The following AOPEP variants were observed in gnomAD, a reference collection of about 807,000 sequenced individuals.
The protein encoded by AOPEP is aminopeptidase O.
AOPEP carries 77 observed loss-of-function variants against 98.1 expected under a neutral mutation model. The observed-to-expected ratio is 0.78, with a 90% CI of 0.65 to 0.95. AOPEP has a LOEUF of 0.95. AOPEP is among the 40% of genes least tolerant of loss of function. The pLI, the probability that AOPEP is intolerant of heterozygous loss-of-function variation, is 0.00. For missense variants in AOPEP, 1,024 were observed against 1,024.7 expected, an observed-to-expected ratio of 1.00 and a Z score of 0.01; for synonymous variants, 346 against 365.3, an observed-to-expected ratio of 0.95 and a Z score of 0.60.
intron 5 of AOPEP, among the ~76,000 whole-genome samples, chr9:94,888,294 CGTGTGTGTGTGTGTGTGTGT>C (rs59342995): frequency 6.5e-5 from 9 of 137,590 alleles, no homozygotes; most frequent in Non-Finnish European, 1.4e-4. Flanking sequence ...AGAACCTTAC[CGTGTGTGTGTGTGTGTGTGT>C]GTGTGTGTGT....
At chr9:94,850,434 A>C (rs182672527) in intron 5 of AOPEP, among the ~76,000 whole-genome samples, 2 of 152,320 alleles carry the variant, frequency 1.3e-5, no homozygotes, top group Admixed American at 1.3e-4. Flanking sequence ...CCACATCATA[A>C]TGTGCACATA....
At chr9:95,052,375 C>T (rs554112257) in intron 13 of AOPEP, among the ~76,000 whole-genome samples, 3 of 152,284 alleles carry the variant, frequency 2.0e-5, no homozygotes, top group African/African-American at 7.2e-5. Context: ...CTTGTTTAAA[C>T]TCAAAAGGAG....
intron 11 of AOPEP, among the ~76,000 whole-genome samples, chr9:94,979,954 C>G (rs1023566663): frequency 6.6e-6 from 1 of 152,196 alleles, no homozygotes; most frequent in African/African-American, 2.4e-5. Flanking sequence ...CTCAGGCCGG[C>G]CTTCTCACCT....
At chr9:94,780,503 A>G (rs1487731359) in intron 3 of AOPEP, among the ~76,000 whole-genome samples, 2 of 152,212 alleles carry the variant, frequency 1.3e-5, no homozygotes, top group Non-Finnish European at 2.9e-5. Context: ...GCTAGACAAG[A>G]TAAAAGAACT....
chr9:94,797,080 A>T (rs958530536), intron 4 of AOPEP, among the ~76,000 whole-genome samples: 1 of 152,236 alleles, frequency 6.6e-6, no homozygotes, highest in African/African-American at 2.4e-5. Flanking sequence ...AGTTGCTTTG[A>T]TAGGAAGTAC....
chr9:94,735,775 A>G (rs1831615529), intron 1 of AOPEP, among the ~76,000 whole-genome samples: 1 of 152,168 alleles, frequency 6.6e-6, no homozygotes, highest in Non-Finnish European at 1.5e-5. Flanking sequence ...TAATTTTAGG[A>G]TATTTCCATC....
At chr9:94,943,537 T>C (rs942317656) in intron 7 of AOPEP, among the ~76,000 whole-genome samples, 1 of 148,814 alleles carries the variant, frequency 6.7e-6, no homozygotes, top group Admixed American at 6.8e-5. Context: ...GAGGTTGCAG[T>C]GAGCTGAGAT....
At chr9:95,014,685 C>T (rs1323057501) in intron 13 of AOPEP, among the ~76,000 whole-genome samples, 1 of 152,190 alleles carries the variant, frequency 6.6e-6, no homozygotes. Context: ...GTGGCGCTTT[C>T]TGAAGTACCT....
intron 5 of AOPEP, among the ~76,000 whole-genome samples, chr9:94,922,614 GTTTC>G (rs1199854860): frequency 6.6e-6 from 1 of 152,008 alleles, no homozygotes; most frequent in Non-Finnish European, 1.5e-5. Flanking sequence ...GTGTCTCTCA[GTTTC>G]TTCCTTCCTT....
intron 5 of AOPEP, among the ~76,000 whole-genome samples, chr9:94,878,794 G>C (rs2135796339): frequency 6.6e-6 from 1 of 152,306 alleles, no homozygotes; most frequent in Non-Finnish European, 1.5e-5. Context: ...TGTTCTTTCA[G>C]CCTTTCTGTA....
intron 5 of AOPEP, among the ~76,000 whole-genome samples, chr9:94,828,142 T>G (rs1855057952): frequency 6.6e-6 from 1 of 152,210 alleles, no homozygotes; most frequent in Non-Finnish European, 1.5e-5. Context: ...GATAGATGTT[T>G]ATTTCTCCCA....
At chr9:95,000,468 G>A (rs1318531871) in intron 11 of AOPEP, among the ~76,000 whole-genome samples, 2 of 152,170 alleles carry the variant, frequency 1.3e-5, no homozygotes, top group Non-Finnish European at 2.9e-5. Flanking sequence ...AGCACTTTGG[G>A]AGGCCAAGGT....
intron 16 of AOPEP, among the ~76,000 whole-genome samples, chr9:95,083,521 A>G (rs2070142902): frequency 6.8e-6 from 1 of 146,956 alleles, no homozygotes; most frequent in African/African-American, 2.6e-5. Flanking sequence ...GAGCACCCAC[A>G]GCACACACAC....
At chr9:95,128,100 G>A in the AOPEP span, among the ~76,000 whole-genome samples, 1 of 152,182 alleles carries the variant, frequency 6.6e-6, no homozygotes, top group African/African-American at 2.4e-5. Flanking sequence ...TTATTTCGTG[G>A]CTTCGAACTT....
At chr9:95,030,058 T>A (rs2064165758) in intron 13 of AOPEP, among the ~76,000 whole-genome samples, 1 of 152,252 alleles carries the variant, frequency 6.6e-6, no homozygotes, top group African/African-American at 2.4e-5. Context: ...GTTCAGCATA[T>A]TTAGTTTCTT....
At chr9:94,774,699 G>A (rs1841689531) in intron 3 of AOPEP, among the ~76,000 whole-genome samples, 1 of 151,862 alleles carries the variant, frequency 6.6e-6, no homozygotes, top group African/African-American at 2.4e-5. Context: ...TAAATTCCAG[G>A]GGAGACATTT....
the AOPEP span, chr9:95,107,330 GATTT>G: frequency 6.5e-7 from 1 of 1,543,344 alleles, no homozygotes. Context: ...ATACTTCTAG[GATTT>G]ATTTATTTGC....
the AOPEP span, among the ~76,000 whole-genome samples, chr9:95,134,664 C>A: frequency 6.8e-4 from 104 of 152,340 alleles, 3 homozygotes; most frequent in South Asian, 0.02. Flanking sequence ...CCTGTCCTTA[C>A]AAAATGTGCT....
At chr9:95,101,746 C>T in the AOPEP span, 2 of 1,614,014 alleles carry the variant, frequency 1.2e-6, no homozygotes, top group South Asian at 2.2e-5. Context: ...GCTCTCGGGC[C>T]AGTTTTTCTG....
Sources: allele counts gnomAD v4.1 joint callset (sites outside exome capture counted in the v4.1 genomes callset), GRCh38; gene constraint gnomAD v4.1.1; transcripts MANE v1.5; gene names NCBI Gene and HGNC (gene_info 2026-07-23, HGNC 2026-07-21).